Variants in ZNF446 observed in about 807,000 individuals in gnomAD.
ZNF446 encodes zinc finger protein 446, also known as zinc finger protein with KRAB and SCAN domains 20.
Under a neutral mutation model 34.0 loss-of-function variants are expected in ZNF446, and 42 were observed. The ratio of observed to expected loss-of-function variants is 1.23; its 90% CI spans 0.96 to 1.60. The LOEUF (loss-of-function observed/expected upper bound fraction) is 1.60. Ranked by LOEUF, ZNF446 falls within the 40% of genes most tolerant of loss-of-function variation. ZNF446 has a pLI of 0.00. For synonymous variants in ZNF446, 315 were observed against 251.0 expected (o/e 1.25, Z -2.41); for missense variants, 650 against 600.2 (o/e 1.08, Z -0.87).
Position 58,479,684 on chromosome 19 carries a change from C to G in ZNF446, c.669C>G (p.Tyr223Ter), listed in dbSNP as rs368531505. 1 of 1,613,780 alleles carries G rather than the reference C, an allele frequency of 6.2e-7. No individual in the cohort carries two copies. The highest frequency in any genetic ancestry group is 1.3e-5 in the African/African-American group (1 of 74,886). Reference sequence around the variant, plus strand: ...TGGACCGGTCACAGAAGGAACTGTACTGGGATGCGATGCTGGAGAAGTACG... The same window carrying G: ...TGGACCGGTCACAGAAGGAACTGTAGTGGGATGCGATGCTGGAGAAGTACG... The part of the protein sequence containing the change: ...GLLDRSQKEL[Y>*]WDAMLEKYGT... The change falls in exon 5 of 7, where the codon TAC (tyrosine) becomes TAG (stop). Residue 223 changes from tyrosine (Y) to a stop codon, truncating the protein, a stop_gained. Transcript: ENST00000594369. LOFTEE classifies it high-confidence loss of function.
chr19:58,487,143 T>C, the ZNF446 span, among the ~76,000 whole-genome samples: 4 of 152,200 alleles, frequency 2.6e-5, no homozygotes, highest in Non-Finnish European at 5.9e-5. Context: ...CCTAAAACCC[T>C]GCCAATAACA....
intron 4 of ZNF446, among the ~76,000 whole-genome samples, chr19:58,479,273 T>G (rs1280422017): frequency 2.6e-5 from 4 of 152,136 alleles, no homozygotes; most frequent in Non-Finnish European, 4.4e-5. Context: ...CCACAGCTTG[T>G]CCCTCAGGAT....
In ZNF446 at chr19:58,479,956, C is replaced by A. The variant is rs1418933858; in HGVS notation, c.739C>A (p.Gln247Lys). Reference sequence around the variant, plus strand: ...GTTACCGCCCCACCAGCCAGAGGCACAGGCCCAGTCAGAGCTGGGGATGCT... The same window carrying A: ...GTTACCGCCCCACCAGCCAGAGGCAAAGGCCCAGTCAGAGCTGGGGATGCT... ...LGLPPHQPEA[Q>K]AQSELGMLLT... Residue 247 changes from glutamine (Q) to lysine (K), a missense_variant, in exon 6 of 7, where the codon CAG (glutamine) becomes AAG (lysine). Coordinates refer to ENST00000594369, the MANE Select transcript of ZNF446 (RefSeq NM_017908.4). The A allele has an allele frequency of 6.3e-7, 1 of 1,587,406 alleles. No homozygotes were observed. The highest frequency in any genetic ancestry group is 1.8e-5 in the Admixed American group (1 of 56,356).
intron 5 of ZNF446, 27 bp from the exon 6 acceptor site, chr19:58,479,903 G>A: frequency 6.5e-7 from 1 of 1,541,056 alleles, no homozygotes; most frequent in Non-Finnish European, 8.8e-7. Flanking sequence ...CAAACCCCAT[G>A]CCTAACTGTG....
chr19:58,478,817 A>T (rs2053112349), intron 4 of ZNF446, among the ~76,000 whole-genome samples: 1 of 151,776 alleles, frequency 6.6e-6, no homozygotes, highest in Non-Finnish European at 1.5e-5. Context: ...TGGGGATTTG[A>T]ACTTTTGTGT....
At position 58,480,259 on chromosome 19, in the gene ZNF446, G is replaced by C. The variant is rs759684732; in HGVS notation, c.886G>C (p.Gly296Arg). 6.3e-7 allele frequency: 1 copy of C among 1,580,342 alleles called. No individual in the cohort carries two copies. Residue 296 changes from glycine (G) to arginine (R), a missense_variant, in exon 7 of 7, where the codon GGG becomes CGG. By Grantham distance (125) the Gly-to-Arg change is moderately radical (BLOSUM62 -2). Transcript: ENST00000594369. The surrounding 1 kb of genome is among the most constrained non-coding windows in gnomAD (Gnocchi z 7.2). ...GCCGGCAGCCTGGGAGGGCTTGTCT[G>C]GGGCTGCCACTCCTGCCCCCACTGT... Reference protein sequence around the residue: ...PGPAAWEGLSGAATPAPTVRP... With the variant: ...PGPAAWEGLSRAATPAPTVRP...
the ZNF446 span, among the ~76,000 whole-genome samples, chr19:58,487,801 T>A: frequency 2.6e-5 from 4 of 152,130 alleles, no homozygotes; most frequent in African/African-American, 7.2e-5. Flanking sequence ...AGAGCAAGAC[T>A]CTATCTCAAA....
At chr19:58,482,862 GGA>G (rs1051508438), downstream of ZNF446, among the ~76,000 whole-genome samples, 3 of 152,188 alleles carry the variant, frequency 2.0e-5, no homozygotes, top group African/African-American at 7.2e-5. Context: ...AGCCCAGAAG[GGA>G]GAGTCAGGGT....
downstream of ZNF446, among the ~76,000 whole-genome samples, chr19:58,482,384 C>G (rs2053146517): frequency 6.6e-6 from 1 of 152,152 alleles, no homozygotes; most frequent in South Asian, 2.1e-4. Flanking sequence ...ATGTTCACAG[C>G]TTCTGGGGAT....
chr19:58,478,993 C>T (rs956924596), intron 4 of ZNF446, among the ~76,000 whole-genome samples: 2 of 152,212 alleles, frequency 1.3e-5, no homozygotes, highest in Non-Finnish European at 2.9e-5. Flanking sequence ...CCTCTTCTAC[C>T]TGGATCGCTT....
At chr19:58,482,620 C>T (rs1400402004), downstream of ZNF446, among the ~76,000 whole-genome samples, 1 of 152,202 alleles carries the variant, frequency 6.6e-6, no homozygotes, top group East Asian at 1.9e-4. Context: ...GGCAGGAACC[C>T]TGCTGCGGCC....
the ZNF446 span, among the ~76,000 whole-genome samples, chr19:58,487,572 G>A: frequency 6.6e-6 from 1 of 152,190 alleles, no homozygotes; most frequent in South Asian, 2.1e-4. Flanking sequence ...ACTTTGGGAG[G>A]TCGAGGCAGG....
intron 1 of ZNF446, among the ~76,000 whole-genome samples, 157 bp from the exon 2 acceptor site, chr19:58,477,022 C>T (rs1308627941): frequency 6.6e-6 from 1 of 152,114 alleles, no homozygotes; most frequent in Non-Finnish European, 1.5e-5. Flanking sequence ...TGTTTGGGTC[C>T]TGTGACCCTC....
In ZNF446 at chr19:58,477,200, A is replaced by C; in HGVS notation, c.-19A>C. 1 of 1,528,508 alleles carries C rather than the reference A, an allele frequency of 6.5e-7. No individual in the cohort carries two copies. The highest frequency in any genetic ancestry group is 8.8e-7 in the Non-Finnish European group (1 of 1,139,970). The allele number at this position is 1,528,508 out of a possible 1,614,324, so 94.7% of individuals were successfully genotyped here. On this transcript the variant is annotated 5_prime_UTR_variant, in exon 2 of 7. Transcript: ENST00000594369. The stretch of plus-strand genomic sequence containing the variant: ...GTAGGCCCATCTTGACGATTCCAAG[A>C]CCACCCCCTTGAGCAAGAATGCCAT...
chr19:58,480,636 G>A lies in ZNF446; in HGVS notation c.1263G>A (p.Arg421=). ...ACCGCAAGAGCCACACAGGCCAGCG[G>A]CGTCACTTCTGCAGTGACTGTGGCC... is the stretch of plus-strand genomic sequence containing the variant. ...VIHRKSHTGQ[R]RHFCSDCGRA... is the part of the protein sequence containing the mutation. Residue 421 remains arginine, a synonymous_variant, in exon 7 of 7, where the codon CGG becomes CGA. Transcript: ENST00000594369. The surrounding 1 kb of genome is among the most constrained non-coding windows in gnomAD (Gnocchi z 7.2). 1 of 1,612,532 alleles carries A rather than the reference G, an allele frequency of 6.2e-7. No homozygotes were observed. Among genetic ancestry groups the A allele is most frequent in the Non-Finnish European group, 8.5e-7 (1 of 1,179,938 alleles).
chr19:58,485,819 A>AT (rs1341025952), downstream of ZNF446, among the ~76,000 whole-genome samples: 2 of 152,122 alleles, frequency 1.3e-5, no homozygotes, highest in African/African-American at 4.8e-5. Context: ...GCCTCAAGCA[A>AT]TCCTCCCTTC....
downstream of ZNF446, among the ~76,000 whole-genome samples, chr19:58,484,699 T>G (rs1219596176): frequency 6.6e-6 from 1 of 151,766 alleles, no homozygotes; most frequent in Non-Finnish European, 1.5e-5. Flanking sequence ...TTTAAAAAAT[T>G]TTAAAAACCA....
chr19:58,477,371 T>C lies in ZNF446; in HGVS notation c.153T>C (p.Cys51=). 1 of 1,613,248 alleles carries C rather than the reference T, an allele frequency of 6.2e-7. No homozygotes were observed. The highest frequency in any genetic ancestry group is 8.5e-7 in the Non-Finnish European group (1 of 1,179,950). ...CCCTGGCCCGGCTGCGTGAGCTGTGTTGCCAGTGGCTGCAGCCTGAGGCAC... is the reference window on the plus strand; with the variant it reads ...CCCTGGCCCGGCTGCGTGAGCTGTGCTGCCAGTGGCTGCAGCCTGAGGCAC... The part of the protein sequence containing the change: ...REALARLREL[C]CQWLQPEAHS... The change falls in exon 2 of 7, where the codon TGT becomes TGC. Residue 51 remains cysteine (C), a synonymous_variant. Coordinates refer to ENST00000594369, the MANE Select transcript of ZNF446 (RefSeq NM_017908.4).
chr19:58,488,580 G>T, the ZNF446 span, among the ~76,000 whole-genome samples: 1 of 151,064 alleles, frequency 6.6e-6, no homozygotes, highest in Admixed American at 6.6e-5. Flanking sequence ...GGCTGGGTGC[G>T]GTGGCTCACA....
Sources: allele counts gnomAD v4.1 joint callset (sites outside exome capture counted in the v4.1 genomes callset), GRCh38; gene constraint gnomAD v4.1.1; non-coding constraint Gnocchi (gnomAD v3.1); transcripts MANE v1.5; gene names NCBI Gene and HGNC (gene_info 2026-07-23, HGNC 2026-07-21).